The following COG5 variants were observed in gnomAD, a reference collection of about 807,000 sequenced individuals.
The protein encoded by COG5 is component of oligomeric golgi complex 5, also known as conserved oligomeric Golgi complex subunit 5.
Under a neutral mutation model 110.4 loss-of-function variants are expected in COG5, and 86 were observed. The ratio of observed to expected loss-of-function variants is 0.78; its 90% CI spans 0.65 to 0.93. The LOEUF (loss-of-function observed/expected upper bound fraction) is 0.93, where lower values mean the gene tolerates loss of function less well. Among genes scored for constraint, COG5 ranks in the 40% least tolerant of loss-of-function variants. COG5 has a pLI of 0.00. For missense variants in COG5, 1,077 were observed against 987.0 expected (o/e 1.09, Z -1.22); for synonymous variants, 360 against 334.6 (o/e 1.08, Z -0.83).
At chr7:107,261,035 C>T (rs1028320076) in intron 14 of COG5, among the ~76,000 whole-genome samples, 8 of 151,952 alleles carry the variant, frequency 5.3e-5, no homozygotes, top group African/African-American at 1.7e-4. Context: ...AACACCCACC[C>T]GTCACCTAAA....
chr7:107,401,405 T>A (rs1044676919), intron 7 of COG5, among the ~76,000 whole-genome samples: 1 of 152,156 alleles, frequency 6.6e-6, no homozygotes, highest in African/African-American at 2.4e-5. Flanking sequence ...GAAGAGTAAC[T>A]TTTAAAATTA....
intron 8 of COG5, among the ~76,000 whole-genome samples, chr7:107,369,868 TTCTG>T (rs1477864186): frequency 2.0e-5 from 3 of 152,148 alleles, no homozygotes; most frequent in African/African-American, 7.2e-5. Context: ...CAGAACTTAG[TTCTG>T]TCTTAGATTT....
chr7:107,435,887 C>CA (rs1794334246), intron 6 of COG5, among the ~76,000 whole-genome samples: 1 of 152,076 alleles, frequency 6.6e-6, no homozygotes, highest in Non-Finnish European at 1.5e-5. Flanking sequence ...GAGGTGGAAG[C>CA]AATTCAAATG....
At chr7:107,546,530 G>C (rs1055453634) in intron 5 of COG5, among the ~76,000 whole-genome samples, 34 of 145,728 alleles carry the variant, frequency 2.3e-4, no homozygotes, top group African/African-American at 8.0e-4. Context: ...CCACCTCCCA[G>C]GCTCAAGCAA....
chr7:107,355,926 T>G (rs898790493), intron 10 of COG5, among the ~76,000 whole-genome samples: 29 of 152,230 alleles, frequency 1.9e-4, no homozygotes, highest in Admixed American at 7.9e-4. Flanking sequence ...GAACCACTAT[T>G]GTTACATTAT....
chr7:107,535,766 T>C (rs1374961531), intron 5 of COG5, among the ~76,000 whole-genome samples: 3 of 152,174 alleles, frequency 2.0e-5, no homozygotes, highest in African/African-American at 7.2e-5. Context: ...TCTAAAACTA[T>C]TCTAAACAAT....
intron 5 of COG5, among the ~76,000 whole-genome samples, chr7:107,545,174 G>A (rs1802320388): frequency 2.0e-5 from 3 of 152,240 alleles, no homozygotes; most frequent in East Asian, 3.9e-4. Context: ...TATGTTATGG[G>A]TGTCCCAGAA....
intron 8 of COG5, 39 bp downstream of exon 8, chr7:107,372,556 T>C: frequency 1.9e-6 from 3 of 1,598,114 alleles, no homozygotes; most frequent in Non-Finnish European, 1.7e-6. Context: ...TTCTCAGTTA[T>C]AAATAAATAA....
At chr7:107,265,188 T>A (rs999295661) in intron 14 of COG5, among the ~76,000 whole-genome samples, 2 of 152,242 alleles carry the variant, frequency 1.3e-5, no homozygotes, top group Admixed American at 1.3e-4. Flanking sequence ...CTTTGGTTAT[T>A]GTTTACTTGA....
intron 8 of COG5, among the ~76,000 whole-genome samples, chr7:107,372,385 G>GA (rs1814254204): frequency 6.6e-6 from 1 of 152,008 alleles, no homozygotes; most frequent in Non-Finnish European, 1.5e-5. Context: ...TCTTTATCTA[G>GA]AAGTTCTGAA....
At chr7:107,508,637 G>T (rs1234131139) in intron 6 of COG5, among the ~76,000 whole-genome samples, 5 of 152,278 alleles carry the variant, frequency 3.3e-5, no homozygotes, top group African/African-American at 1.2e-4. Flanking sequence ...CCCCAGTAGG[G>T]GCACACTGAC....
intron 14 of COG5, among the ~76,000 whole-genome samples, chr7:107,270,565 A>G (rs574667334): frequency 2.8e-4 from 42 of 151,956 alleles, no homozygotes; most frequent in Non-Finnish European, 4.9e-4. Context: ...CCAGCCTCAC[A>G]TATGTTTTGA....
intron 10 of COG5, among the ~76,000 whole-genome samples, chr7:107,328,089 A>G (rs1809924190): frequency 6.6e-6 from 1 of 152,244 alleles, no homozygotes; most frequent in South Asian, 2.1e-4. Context: ...TCATTCAGTC[A>G]TGCATTTCTG....
At chr7:107,431,694 G>C (rs575380153) in intron 6 of COG5, among the ~76,000 whole-genome samples, 1 of 152,096 alleles carries the variant, frequency 6.6e-6, no homozygotes, top group Admixed American at 6.5e-5. Context: ...GGATTGCAAT[G>C]GCACAAACAT....
chr7:107,526,135 G>A lies in COG5; in HGVS notation c.538+1102C>T, dbSNP rs3801951. Among the ~76,000 whole-genome samples, 1,436 of 152,258 alleles carry A rather than the reference G, an allele frequency of 9.4e-3. 52 individuals carry two copies. The East Asian group carries it at 0.11, about 12-fold the overall frequency. On this transcript the variant is annotated intron_variant, in intron 6 of 21. Transcript: ENST00000297135. Reference sequence around the variant, plus strand: ...AAGAACATGTAATGTACATTTCTCTGATACTATTTTGGCATAACTGCTTTC... The same window carrying A: ...AAGAACATGTAATGTACATTTCTCTAATACTATTTTGGCATAACTGCTTTC...
intron 19 of COG5, among the ~76,000 whole-genome samples, chr7:107,223,060 T>A (rs922282934): frequency 6.6e-6 from 1 of 152,192 alleles, no homozygotes; most frequent in Admixed American, 6.5e-5. Context: ...GAGACAGATA[T>A]AGGCATCATT....
chr7:107,517,651 A>G (rs888029705), intron 6 of COG5, among the ~76,000 whole-genome samples: 1 of 152,138 alleles, frequency 6.6e-6, no homozygotes, highest in African/African-American at 2.4e-5. Flanking sequence ...CGGATCTCTC[A>G]GCAGAAACTC....
intron 8 of COG5, among the ~76,000 whole-genome samples, chr7:107,371,270 C>T (rs565807475): frequency 5.9e-5 from 9 of 152,042 alleles, no homozygotes; most frequent in South Asian, 2.1e-4. Flanking sequence ...TTCAGTATTA[C>T]GTAAGGTCAC....
intron 19 of COG5, among the ~76,000 whole-genome samples, chr7:107,224,850 G>T (rs965525813): frequency 6.6e-6 from 1 of 152,248 alleles, no homozygotes; most frequent in Non-Finnish European, 1.5e-5. Flanking sequence ...TTCAGAGGCA[G>T]CATTCTCTAC....
Sources: allele counts gnomAD v4.1 joint callset (sites outside exome capture counted in the v4.1 genomes callset), GRCh38; gene constraint gnomAD v4.1.1; transcripts MANE v1.5; gene names NCBI Gene and HGNC (gene_info 2026-07-23, HGNC 2026-07-21).